TNS1: variants seen among roughly 807,000 people sequenced by gnomAD.
TNS1 encodes the protein tensin 1.
In TNS1, 62 loss-of-function variants were observed where a neutral mutation model predicts 168.6. The observed-to-expected ratio is 0.37, with a 90% CI of 0.30 to 0.45. The LOEUF is 0.45. Ranked by LOEUF, TNS1 falls within the 20% of genes least tolerant of loss-of-function variation. The pLI is 1.00. For synonymous variants in TNS1, 934 were observed against 933.2 expected (o/e 1.00, Z -0.02); for missense variants, 2,240 against 2,339.4 (o/e 0.96, Z 0.88).
chr2:217,955,180 C>G (rs891394913), intron 3 of TNS1, among the ~76,000 whole-genome samples: 2 of 152,234 alleles, frequency 1.3e-5, no homozygotes, highest in African/African-American at 4.8e-5. Flanking sequence ...ATCCTCAGCA[C>G]GTTCCAGCCT....
At chr2:217,996,753 A>T (rs1357452734) in intron 1 of TNS1, among the ~76,000 whole-genome samples, 1 of 152,022 alleles carries the variant, frequency 6.6e-6, no homozygotes. Context: ...CCCCGACACC[A>T]GGCCGCTCCC....
intron 1 of TNS1, among the ~76,000 whole-genome samples, chr2:218,017,745 A>G (rs1958774132): frequency 6.6e-6 from 1 of 152,260 alleles, no homozygotes; most frequent in Non-Finnish European, 1.5e-5. Context: ...TGAGGATTAA[A>G]TTAAATGTGA....
At chr2:217,858,453 A>G (rs1207223580) in intron 18 of TNS1, 1 of 929,570 alleles carries the variant, frequency 1.1e-6, no homozygotes, top group Non-Finnish European at 1.3e-6. Flanking sequence ...GCCACACAAG[A>G]ACACTCACAG....
chr2:217,929,535 C>G (rs1956204934), intron 3 of TNS1, among the ~76,000 whole-genome samples: 1 of 152,152 alleles, frequency 6.6e-6, no homozygotes, highest in Non-Finnish European at 1.5e-5. Context: ...CAGGGAAGCA[C>G]CAGCAGGGGT....
rs140144819 is a variant in TNS1, at chr2:217,814,732, C to T, written c.4729+180G>A. 4.1e-3 allele frequency among the ~76,000 whole-genome samples: 630 copies of T among 152,370 alleles called. 4 individuals are homozygous for T. The highest frequency in any genetic ancestry group is 0.01 in the Middle Eastern group (3 of 294). ...CAAGAGGTGTCTACAACTACTGCTT[C>T]TGTGTTCCCACACTTCACTGCAGGA... On this transcript the variant is annotated intron_variant, in intron 25 of 32. Coordinates refer to ENST00000682258, the MANE Select transcript of TNS1 (RefSeq NM_001387777.1).
At chr2:217,831,419 TG>T in intron 22 of TNS1, 35 bp downstream of exon 22, 1 of 1,518,912 alleles carries the variant, frequency 6.6e-7, no homozygotes, top group Non-Finnish European at 8.9e-7. Context: ...CTCCTCCCCC[TG>T]GCCCCCCTCC....
intron 1 of TNS1, among the ~76,000 whole-genome samples, chr2:218,020,835 C>A (rs1015545565): frequency 1.3e-5 from 2 of 152,150 alleles, no homozygotes; most frequent in African/African-American, 4.8e-5. Context: ...AGCAACCAAT[C>A]CCCCCTTGAC....
At chr2:218,027,798 G>T (rs115066732) in intron 1 of TNS1, among the ~76,000 whole-genome samples, 2,900 of 152,264 alleles carry the variant, frequency 0.019, 88 homozygotes, top group African/African-American at 0.065. Flanking sequence ...GGGCTGAAAG[G>T]TGAGCAGACA....
chr2:217,850,140 C>T (rs188559591), intron 18 of TNS1: 25 of 985,378 alleles, frequency 2.5e-5, no homozygotes, highest in Non-Finnish European at 2.9e-5. Flanking sequence ...GGAAGGTATG[C>T]CGGGCAGGAT....
chr2:218,015,093 C>G (rs1283698038), upstream of TNS1, among the ~76,000 whole-genome samples: 4 of 152,274 alleles, frequency 2.6e-5, no homozygotes, highest in East Asian at 7.7e-4. Context: ...CCACACACCC[C>G]CTGGTGAGAG....
At chr2:217,868,078 T>C (rs781716021) in intron 18 of TNS1, among the ~76,000 whole-genome samples, 1 of 152,236 alleles carries the variant, frequency 6.6e-6, no homozygotes, top group Non-Finnish European at 1.5e-5. Flanking sequence ...GAACAGTGAG[T>C]GGCCGGTACA....
In TNS1 at chr2:217,817,851, C is replaced by T. The variant is rs748549540; in HGVS notation, c.4481G>A (p.Arg1494Gln). The T allele has an allele frequency of 1.4e-5, 23 of 1,614,108 alleles. No individual in the cohort carries two copies. The highest frequency in any genetic ancestry group is 8.9e-5 in the East Asian group (4 of 44,896). ...GSPTPALPEK[R>Q]RMSVGDRAGS... ...TGCCCGGTCTCCCACTGACATCCTT[C>T]GCTTCTCTGGCAAGGCTGGTGTTGG... The change falls in exon 24 of 33, where the codon CGA (arginine) becomes CAA (glutamine). Residue 1494 changes from arginine to glutamine, a missense_variant. Arg to Gln is a conservative substitution (Grantham distance 43). This residue lies in a region of TNS1 where 2,131 missense variants were observed against 2,171.2 expected (regional missense o/e 0.98). Transcript: ENST00000682258.
chr2:217,812,109 A>G (rs1409399131), intron 28 of TNS1, among the ~76,000 whole-genome samples: 2 of 152,164 alleles, frequency 1.3e-5, no homozygotes, highest in African/African-American at 4.8e-5. Flanking sequence ...AGGATTCCAT[A>G]TGAATTTCTT....
intron 25 of TNS1, 90 bp downstream of exon 25, chr2:217,814,822 A>G: frequency 9.5e-7 from 1 of 1,049,706 alleles, no homozygotes; most frequent in South Asian, 1.4e-5. Flanking sequence ...TACAAAGAGG[A>G]CTGAATTTGC....
At chr2:217,815,072 C>T (rs1574589959) in intron 24 of TNS1, 74 bp from the exon 25 acceptor site, 1 of 1,234,172 alleles carries the variant, frequency 8.1e-7, no homozygotes, top group Non-Finnish European at 1.2e-6. Context: ...AAGTCCTGGC[C>T]CCCAGTGCTT....
intron 3 of TNS1, among the ~76,000 whole-genome samples, chr2:217,947,803 G>C (rs1423364370): frequency 1.3e-5 from 2 of 152,178 alleles, no homozygotes; most frequent in African/African-American, 4.8e-5. Context: ...GGCCGGGACA[G>C]GAAGGGGAGT....
chr2:217,854,950 C>T (rs933264470), intron 18 of TNS1, among the ~76,000 whole-genome samples: 5 of 152,200 alleles, frequency 3.3e-5, no homozygotes, highest in African/African-American at 1.2e-4. Context: ...ACCACTTACC[C>T]ACTCAGAGCC....
intron 2 of TNS1, among the ~76,000 whole-genome samples, chr2:217,983,005 C>A (rs184828581): frequency 4.3e-4 from 66 of 152,294 alleles, no homozygotes; most frequent in African/African-American, 1.6e-3. Context: ...CAATGCCACC[C>A]ACCCCTTCCT....
chr2:217,807,195 C>T (rs920682490), intron 32 of TNS1, among the ~76,000 whole-genome samples: 7 of 152,156 alleles, frequency 4.6e-5, no homozygotes, highest in East Asian at 1.9e-4. Flanking sequence ...TCCAAAAGCA[C>T]GACATTTACC....
Sources: gnomAD v4.1 joint callset for allele counts (sites outside exome capture counted in the v4.1 genomes callset) on GRCh38, gnomAD v4.1.1 for gene constraint, gnomAD v4.1.1 regional missense constraint, MANE v1.5 for transcripts, NCBI Gene and HGNC (gene_info 2026-07-23, HGNC 2026-07-21) for gene names.